SDK1: variants seen among roughly 807,000 people sequenced by gnomAD.
SDK1 encodes protein sidekick-1.
In SDK1, 157 loss-of-function variants were observed where a neutral mutation model predicts 245.5. The observed-to-expected ratio is 0.64, with a 90% confidence interval of 0.56 to 0.73. The LOEUF is 0.73. Ranked by LOEUF, SDK1 falls within the 30% of genes least tolerant of loss-of-function variation. The pLI, the probability that SDK1 is intolerant of heterozygous loss-of-function variation, is 0.00. For synonymous variants in SDK1, 1,647 were observed against 1,278.5 expected, an observed-to-expected ratio of 1.29 and a Z score of -6.15; for missense variants, 3,583 against 3,002.3, an observed-to-expected ratio of 1.19 and a Z score of -4.52.
At chr7:3,567,294 A>G (rs1326746665) in intron 1 of SDK1, among the ~76,000 whole-genome samples, 1 of 152,190 alleles carries the variant, frequency 6.6e-6, no homozygotes, top group African/African-American at 2.4e-5. Flanking sequence ...GGTTGTTGTG[A>G]GAATGAAATG....
chr7:3,933,964 A>G (rs936417034), intron 5 of SDK1, among the ~76,000 whole-genome samples: 4 of 152,148 alleles, frequency 2.6e-5, no homozygotes, highest in Non-Finnish European at 5.9e-5. Context: ...TGGAAGAGAA[A>G]GCTTTCTGTT....
intron 2 of SDK1, among the ~76,000 whole-genome samples, chr7:3,635,701 G>C (rs1425314200): frequency 6.6e-6 from 1 of 151,892 alleles, no homozygotes; most frequent in Admixed American, 6.6e-5. Context: ...TCCTATTTGA[G>C]CTCCTTTTCT....
rs76514814 is a variant in SDK1 at position 3,661,456 on chromosome 7, A to G, written c.713+19351A>G. 7.1e-3 allele frequency among the ~76,000 whole-genome samples: 1,084 copies of G among 152,320 alleles called. 14 individuals carry two copies. The highest frequency in any genetic ancestry group is 0.024 in the African/African-American group (1,011 of 41,566). ...TTGTGAGTGGAATGTCTAGTTGTGT[A>G]GTACCCCGCCTTCATCTATCACACG... On this transcript the variant is annotated intron_variant, in intron 4 of 44. Coordinates refer to ENST00000404826, the MANE Select transcript of SDK1 (RefSeq NM_152744.4).
At chr7:3,903,404 C>T (rs1326594560) in intron 5 of SDK1, among the ~76,000 whole-genome samples, 1 of 152,054 alleles carries the variant, frequency 6.6e-6, no homozygotes, top group African/African-American at 2.4e-5. Flanking sequence ...CCTCGGCCTC[C>T]CAAAGTGCTT....
intron 14 of SDK1, among the ~76,000 whole-genome samples, chr7:4,002,743 A>G (rs1483663919): frequency 3.9e-5 from 6 of 152,242 alleles, no homozygotes; most frequent in African/African-American, 1.4e-4. Flanking sequence ...GTGGAAAAAA[A>G]TCTGGTTGGG....
In SDK1 at chr7:3,706,194, A is replaced by G. The variant is rs568045473; in HGVS notation, c.713+64089A>G. On this transcript the variant is annotated intron_variant, in intron 4 of 44. Coordinates refer to ENST00000404826, the MANE Select transcript of SDK1 (RefSeq NM_152744.4). ...TATTTTGTTGAGGATTTTTGCATCTATATTCATCAAGGATATTGGTCTGTA... is the reference window on the plus strand; with the variant it reads ...TATTTTGTTGAGGATTTTTGCATCTGTATTCATCAAGGATATTGGTCTGTA... Among the ~76,000 whole-genome samples, 143 of 152,202 alleles carry G rather than the reference A, an allele frequency of 9.4e-4. No homozygotes were observed. In the Middle Eastern group the frequency reaches 0.01, roughly 11 times the overall value.
At chr7:3,649,479 C>G (rs1192162089) in intron 4 of SDK1, among the ~76,000 whole-genome samples, 1 of 151,840 alleles carries the variant, frequency 6.6e-6, no homozygotes, top group African/African-American at 2.4e-5. Context: ...GCTAGATGAC[C>G]TGCTCTAGAA....
intron 5 of SDK1, among the ~76,000 whole-genome samples, chr7:3,859,478 C>G (rs1295626148): frequency 1.3e-5 from 2 of 152,022 alleles, no homozygotes; most frequent in South Asian, 4.2e-4. Context: ...CTGTAGGTGC[C>G]CACTGTGGCT....
intron 14 of SDK1, among the ~76,000 whole-genome samples, chr7:3,989,979 G>C (rs758596376): frequency 2.0e-5 from 3 of 152,214 alleles, no homozygotes; most frequent in African/African-American, 7.2e-5. Flanking sequence ...TCTGACTCCA[G>C]AGCCGGTGCT....
intron 14 of SDK1, among the ~76,000 whole-genome samples, chr7:3,998,563 A>G (rs1287484118): frequency 6.6e-6 from 1 of 152,186 alleles, no homozygotes; most frequent in African/African-American, 2.4e-5. Context: ...GAATTCATGC[A>G]TTCCCAAGGC....
rs778300602 is a variant in SDK1 at position 4,265,181 on chromosome 7, A to G, written c.6439A>G (p.Met2147Val). The change falls in exon 45 of 45, where the codon ATG becomes GTG. Residue 2147 changes from methionine to valine, a missense_variant. Met to Val is a conservative substitution (Grantham distance 21, BLOSUM62 1). Transcript: ENST00000404826. ...LPKHSFVNHY[M>V]SDPTYYNSWK... ...CAAGCACTCCTTCGTGAACCACTACATGAGCGACCCCACCTACTACAACTC... is the reference window on the plus strand; with the variant it reads ...CAAGCACTCCTTCGTGAACCACTACGTGAGCGACCCCACCTACTACAACTC... 2 of 1,612,388 alleles carry G rather than the reference A, an allele frequency of 1.2e-6. No homozygotes were observed. The highest frequency in any genetic ancestry group is 1.7e-6 in the Non-Finnish European group (2 of 1,179,620).
At chr7:4,145,980 CT>C in intron 29 of SDK1, 64 bp downstream of exon 29, 1 of 1,427,802 alleles carries the variant, frequency 7.0e-7, no homozygotes, top group Non-Finnish European at 9.5e-7. Flanking sequence ...CAATCAGGCC[CT>C]CTGGGGTCTG....
intron 14 of SDK1, among the ~76,000 whole-genome samples, chr7:3,995,013 C>CT (rs1381117579): frequency 1.3e-5 from 2 of 152,134 alleles, no homozygotes; most frequent in Non-Finnish European, 2.9e-5. Flanking sequence ...CATGTCCTCC[C>CT]TAGGTTGCCA....
At chr7:3,989,364 T>A (rs1784118273) in intron 14 of SDK1, among the ~76,000 whole-genome samples, 1 of 152,170 alleles carries the variant, frequency 6.6e-6, no homozygotes, top group Non-Finnish European at 1.5e-5. Context: ...CCTGCCCCCA[T>A]GATCCAGTTA....
At chr7:3,716,018 G>C (rs1208106225) in intron 4 of SDK1, among the ~76,000 whole-genome samples, 1 of 151,714 alleles carries the variant, frequency 6.6e-6, no homozygotes, top group Non-Finnish European at 1.5e-5. Flanking sequence ...AGCAGGATTA[G>C]CTCAGTAATA....
intron 14 of SDK1, among the ~76,000 whole-genome samples, chr7:3,994,048 G>A (rs1025914): frequency 0.46 from 69,953 of 151,844 alleles, 18,692 homozygotes; most frequent in African/African-American, 0.75. Context: ...CTCATTGAAG[G>A]CTCTATTTCC....
intron 8 of SDK1, among the ~76,000 whole-genome samples, 190 bp from the exon 9 acceptor site, chr7:3,962,467 C>T (rs930317429): frequency 5.9e-5 from 9 of 152,214 alleles, no homozygotes; most frequent in Admixed American, 4.6e-4. Flanking sequence ...AGCTGTTCCT[C>T]TCAACACCCC....
chr7:3,365,016 T>C (rs1181749155), intron 1 of SDK1, among the ~76,000 whole-genome samples: 1 of 152,208 alleles, frequency 6.6e-6, no homozygotes, highest in African/African-American at 2.4e-5. Context: ...TTAATTTTCT[T>C]TGGAGCGATT....
At chr7:3,509,504 G>A (rs551839931) in intron 1 of SDK1, among the ~76,000 whole-genome samples, 11 of 152,162 alleles carry the variant, frequency 7.2e-5, no homozygotes, top group Non-Finnish European at 1.6e-4. Flanking sequence ...TGCTATGTAG[G>A]GGCTTATTAA....
Sources: gnomAD v4.1 joint callset for allele counts (sites outside exome capture counted in the v4.1 genomes callset) on GRCh38, gnomAD v4.1.1 for gene constraint, MANE v1.5 for transcripts, NCBI Gene and HGNC (gene_info 2026-07-23, HGNC 2026-07-21) for gene names.